Variants in CACNA2D3 observed in about 807,000 individuals in gnomAD.
CACNA2D3 encodes voltage-dependent calcium channel subunit alpha-2/delta-3.
CACNA2D3 carries 60 observed loss-of-function variants against 160.6 expected under a neutral mutation model. The observed-to-expected ratio is 0.37, with a 90% confidence interval of 0.30 to 0.46. The LOEUF is 0.46. CACNA2D3 is among the 20% of genes least tolerant of loss of function. The pLI, the probability that CACNA2D3 is intolerant of heterozygous loss-of-function variation, is 1.00. For synonymous variants in CACNA2D3, 558 were observed against 492.9 expected (o/e 1.13, Z -1.75); for missense variants, 1,205 against 1,365.0 (o/e 0.88, Z 1.85).
intron 11 of CACNA2D3, among the ~76,000 whole-genome samples, chr3:54,721,427 A>G (rs1005570546): frequency 6.6e-6 from 1 of 152,160 alleles, no homozygotes; most frequent in African/African-American, 2.4e-5. Flanking sequence ...TTAATGGGGT[A>G]CAGAATTCCG....
chr3:54,758,968 A>G (rs1034378307), intron 12 of CACNA2D3, among the ~76,000 whole-genome samples: 7 of 152,220 alleles, frequency 4.6e-5, no homozygotes, highest in Non-Finnish European at 8.8e-5. Flanking sequence ...GGAGTATTTA[A>G]TGATTCACCA....
At chr3:54,543,607 CCT>C (rs1702017345) in intron 5 of CACNA2D3, among the ~76,000 whole-genome samples, 1 of 152,268 alleles carries the variant, frequency 6.6e-6, no homozygotes, top group South Asian at 2.1e-4. Context: ...TGAGGCTTGG[CCT>C]CTCTCCCTGT....
At chr3:54,798,489 T>A (rs192137547) in intron 13 of CACNA2D3, among the ~76,000 whole-genome samples, 2,014 of 152,168 alleles carry the variant, frequency 0.013, 23 homozygotes, top group Non-Finnish European at 0.022. Context: ...TGAGCCAAGA[T>A]CATGCCACTG....
intron 2 of CACNA2D3, among the ~76,000 whole-genome samples, chr3:54,149,873 T>TGAA (rs1362774959): frequency 1.6e-5 from 2 of 125,514 alleles, no homozygotes; most frequent in African/African-American, 6.2e-5. Context: ...AGGGCTGTCC[T>TGAA]GAAGTATCTG....
At chr3:54,514,588 C>A (rs902459760) in intron 5 of CACNA2D3, among the ~76,000 whole-genome samples, 1 of 152,156 alleles carries the variant, frequency 6.6e-6, no homozygotes, top group African/African-American at 2.4e-5. Context: ...GAAGTCAGCA[C>A]ACAGCTGGGC....
chr3:54,933,099 TC>T (rs1701242211), intron 27 of CACNA2D3, among the ~76,000 whole-genome samples: 1 of 126,850 alleles, frequency 7.9e-6, no homozygotes, highest in Non-Finnish European at 1.8e-5. Flanking sequence ...CTTCCTTCCT[TC>T]CTTCCTTCCT....
At chr3:54,208,120 T>C (rs752868901) in intron 2 of CACNA2D3, among the ~76,000 whole-genome samples, 4 of 152,190 alleles carry the variant, frequency 2.6e-5, no homozygotes, top group Non-Finnish European at 5.9e-5. Context: ...TGCCTTTCTT[T>C]TTGAGATGGA....
chr3:54,449,226 A>C (rs990236963), intron 4 of CACNA2D3, among the ~76,000 whole-genome samples: 1 of 152,200 alleles, frequency 6.6e-6, no homozygotes, highest in Non-Finnish European at 1.5e-5. Flanking sequence ...CAAGAGAGAG[A>C]GCGCTCTGGC....
intron 35 of CACNA2D3, among the ~76,000 whole-genome samples, chr3:55,072,231 G>C (rs1297652492): frequency 1.3e-5 from 2 of 152,198 alleles, no homozygotes; most frequent in Non-Finnish European, 2.9e-5. Context: ...TTGCACAGTG[G>C]CAAGCCCTGT....
intron 31 of CACNA2D3, among the ~76,000 whole-genome samples, chr3:55,001,412 G>T (rs1702977350): frequency 6.6e-6 from 1 of 152,166 alleles, no homozygotes; most frequent in South Asian, 2.1e-4. Flanking sequence ...CTATAGCTCT[G>T]CCTCCTGTTG....
intron 35 of CACNA2D3, among the ~76,000 whole-genome samples, chr3:55,056,967 A>T (rs1704376163): frequency 6.6e-6 from 1 of 152,238 alleles, no homozygotes; most frequent in South Asian, 2.1e-4. Context: ...TCTCACCATG[A>T]AACATGGTAT....
intron 11 of CACNA2D3, among the ~76,000 whole-genome samples, chr3:54,746,282 A>G (rs1701752229): frequency 6.6e-6 from 1 of 152,270 alleles, no homozygotes; most frequent in African/African-American, 2.4e-5. Context: ...ACCAGAAATC[A>G]TAGAAATGAG....
chr3:54,410,318 C>A (rs1012612083), intron 4 of CACNA2D3, among the ~76,000 whole-genome samples: 5 of 151,932 alleles, frequency 3.3e-5, no homozygotes, highest in African/African-American at 1.2e-4. Context: ...TGCGCCACTG[C>A]TCTCCAGCCT....
At chr3:54,715,059 A>T (rs1701026726) in intron 11 of CACNA2D3, among the ~76,000 whole-genome samples, 1 of 152,126 alleles carries the variant, frequency 6.6e-6, no homozygotes, top group Non-Finnish European at 1.5e-5. Flanking sequence ...ATCTACCTGG[A>T]GACAGGTTGA....
At chr3:54,732,304 CTTG>C (rs1205499034) in intron 11 of CACNA2D3, among the ~76,000 whole-genome samples, 1 of 152,170 alleles carries the variant, frequency 6.6e-6, no homozygotes, top group Non-Finnish European at 1.5e-5. Context: ...ACTTGTGATC[CTTG>C]TTGAAAACAC....
chr3:54,830,450 CTTTTT>C (rs35103723), intron 14 of CACNA2D3, among the ~76,000 whole-genome samples: 1 of 137,316 alleles, frequency 7.3e-6, no homozygotes, highest in African/African-American at 2.7e-5. Flanking sequence ...CATTTAAATA[CTTTTT>C]TTTTTTTTTT....
intron 2 of CACNA2D3, among the ~76,000 whole-genome samples, chr3:54,276,376 C>T (rs1702738690): frequency 6.6e-6 from 1 of 152,128 alleles, no homozygotes; most frequent in Non-Finnish European, 1.5e-5. Context: ...CAAGACCAGC[C>T]TGGCCACCAC....
chr3:54,646,657 T>C (rs1699658784), intron 11 of CACNA2D3, among the ~76,000 whole-genome samples: 1 of 152,216 alleles, frequency 6.6e-6, no homozygotes, highest in African/African-American at 2.4e-5. Context: ...AGTCTATCAC[T>C]GATGGGCATT....
intron 13 of CACNA2D3, among the ~76,000 whole-genome samples, chr3:54,799,075 T>G (rs1423313424): frequency 6.6e-6 from 1 of 152,252 alleles, no homozygotes; most frequent in Non-Finnish European, 1.5e-5. Context: ...GTTACCAAGT[T>G]TCTAAGAGTT....
Sources: gnomAD v4.1 joint callset for allele counts (sites outside exome capture counted in the v4.1 genomes callset) on GRCh38, gnomAD v4.1.1 for gene constraint, MANE v1.5 for transcripts, NCBI Gene and HGNC (gene_info 2026-07-23, HGNC 2026-07-21) for gene names.